MCF2L: variants seen among roughly 807,000 people sequenced by gnomAD.
MCF2L encodes the protein MCF.2 cell line derived transforming sequence like, also known as guanine nucleotide exchange factor DBS.
MCF2L carries 97 observed loss-of-function variants against 153.4 expected under a neutral mutation model. That is an observed-to-expected ratio of 0.63 (90% CI 0.54 to 0.75). MCF2L has a LOEUF of 0.75. Among genes scored for constraint, MCF2L ranks in the 30% least tolerant of loss-of-function variants. The probability of loss-of-function intolerance (pLI) is 0.00; values close to 1 mark genes in which losing one functional copy is unlikely to be tolerated. For missense variants in MCF2L, 1,347 were observed against 1,495.2 expected, an observed-to-expected ratio of 0.90 and a Z score of 1.64; for synonymous variants, 659 against 632.2, an observed-to-expected ratio of 1.04 and a Z score of -0.64.
In MCF2L at chr13:113,074,996, A is replaced by G; in HGVS notation, c.1117-2A>G. ...GCTGGTCCTCTGGGTGGCCGTCCAC[A>G]GGTGGCCGTGGAGAGGGCCCGGGCC... On this transcript the variant is annotated splice_acceptor_variant, in intron 10 of 29. Transcript: ENST00000535094. LOFTEE classifies it high-confidence loss of function. The surrounding 1 kb of genome is among the most constrained non-coding windows in gnomAD (Gnocchi z 4.2). 6.3e-7 allele frequency: 1 copy of G among 1,595,946 alleles called. No homozygotes were observed. The highest frequency in any genetic ancestry group is 8.6e-7 in the Non-Finnish European group (1 of 1,166,942).
At position 113,045,398 on chromosome 13, in the gene MCF2L, C is replaced by T; in HGVS notation, c.369+37C>T. 1 of 1,530,010 alleles carries T rather than the reference C, an allele frequency of 6.5e-7. No individual in the cohort carries two copies. Among genetic ancestry groups the T allele is most frequent in the Middle Eastern group, 1.7e-4 (1 of 5,872 alleles). 94.8% of individuals were successfully genotyped at this position (1,530,010 alleles called of 1,614,324 possible). On this transcript the variant is annotated intron_variant, in intron 4 of 29. Coordinates refer to ENST00000535094, the MANE Select transcript of MCF2L (RefSeq NM_001112732.3). The surrounding 1 kb of genome is among the most constrained non-coding windows in gnomAD (Gnocchi z 4.2). ...CCGGGGCTCTGCCCTGCGCCCGGCC[C>T]CTCCCTGGGCTGCATGACCGCATGG... is the stretch of plus-strand genomic sequence containing the variant.
chr13:113,089,104 G>A (rs2034927729), intron 25 of MCF2L, among the ~76,000 whole-genome samples: 1 of 151,836 alleles, frequency 6.6e-6, no homozygotes, highest in African/African-American at 2.4e-5. Context: ...AATCATTCAT[G>A]GAACAGGATA....
At position 113,064,178 on chromosome 13, in the gene MCF2L, C is replaced by T. The variant is rs1594900014; in HGVS notation, c.490-126C>T. 2.7e-6 allele frequency: 2 copies of T among 750,568 alleles called. No homozygotes were observed. Among genetic ancestry groups the T allele is most frequent in the East Asian group, 4.9e-5 (2 of 40,750 alleles). 46.5% of individuals were successfully genotyped at this position (750,568 alleles called of 1,614,324 possible). On this transcript the variant is annotated intron_variant, in intron 5 of 29. Transcript: ENST00000535094. The surrounding 1 kb of genome is among the most constrained non-coding windows in gnomAD (Gnocchi z 6.0). ...CAGTGTCCAGGTGCCCCCACCCACA[C>T]AGCCGCCCGCAGCATCCAGGCAGAC...
rs746193778 is a variant in MCF2L at position 112,902,202 on chromosome 13, C to T, written c.-1C>T. 1.6e-5 allele frequency: 25 copies of T among 1,611,946 alleles called. No individual in the cohort carries two copies. In the South Asian group the frequency reaches 2.3e-4, roughly 15 times the overall value. The stretch of plus-strand genomic sequence containing the variant: ...TTTTAAAATCTTTTTTCTGCAGCCT[C>T]ATGTTTGACTGTTGGAGATTTATCC... On this transcript the variant is annotated 5_prime_UTR_variant, in exon 2 of 30. Coordinates refer to the MCF2L transcript ENST00000375608.
intron 2 of MCF2L, among the ~76,000 whole-genome samples, chr13:112,924,034 A>G (rs2081379516): frequency 6.6e-6 from 1 of 152,164 alleles, no homozygotes; most frequent in Non-Finnish European, 1.5e-5. Context: ...TCCTATCAGG[A>G]AGCATACGAG....
intron 5 of MCF2L, among the ~76,000 whole-genome samples, chr13:113,061,222 C>T (rs998894137): frequency 5.9e-5 from 9 of 152,124 alleles, no homozygotes; most frequent in Non-Finnish European, 1.2e-4. Flanking sequence ...CCTGCCCCAT[C>T]GCCACCACAC....
At chr13:113,087,501 C>G in intron 22 of MCF2L, 45 bp downstream of exon 22, 1 of 1,479,572 alleles carries the variant, frequency 6.8e-7, no homozygotes. Flanking sequence ...GGCCACAGAC[C>G]CCGACGGGGG....
intron 2 of MCF2L, among the ~76,000 whole-genome samples, chr13:112,946,938 G>A (rs2081643737): frequency 6.6e-6 from 1 of 152,206 alleles, no homozygotes; most frequent in South Asian, 2.1e-4. Context: ...AGGACCCAGG[G>A]AGCAGTGGCA....
chr13:112,997,212 T>C (rs2083177161), intron 1 of MCF2L, among the ~76,000 whole-genome samples: 2 of 152,134 alleles, frequency 1.3e-5, no homozygotes, highest in East Asian at 3.9e-4. Flanking sequence ...CCAAGACCAC[T>C]GTGGGTCTGG....
At chr13:113,059,432 C>T (rs892042477) in intron 4 of MCF2L, among the ~76,000 whole-genome samples, 3 of 152,232 alleles carry the variant, frequency 2.0e-5, no homozygotes, top group Non-Finnish European at 2.9e-5. Context: ...ATATTCCTTT[C>T]GGGCTTTAGG....
intron 1 of MCF2L, among the ~76,000 whole-genome samples, chr13:112,984,808 C>T (rs1240302783): frequency 6.6e-6 from 1 of 152,116 alleles, no homozygotes; most frequent in African/African-American, 2.4e-5. Flanking sequence ...GGGGAGAGGG[C>T]GTCAGGATGC....
At chr13:112,937,924 A>G (rs74400946) in intron 2 of MCF2L, among the ~76,000 whole-genome samples, 726 of 7,776 alleles carry the variant, frequency 0.093, no homozygotes, top group Middle Eastern at 0.14. Context: ...TGGTTGGTTC[A>G]TTCAGGTGAT....
chr13:112,899,879 T>C (rs778442076), intron 1 of MCF2L, among the ~76,000 whole-genome samples: 18 of 152,198 alleles, frequency 1.2e-4, no homozygotes, highest in Non-Finnish European at 2.5e-4. Context: ...TTTTCCACCG[T>C]ATCTTGAGAT....
chr13:113,018,378 C>G (rs992734137), intron 2 of MCF2L, among the ~76,000 whole-genome samples: 2 of 152,222 alleles, frequency 1.3e-5, no homozygotes, highest in Non-Finnish European at 2.9e-5. Context: ...CCTACTGTCC[C>G]CTCTAGTTTT....
chr13:112,986,023 G>GC (rs1271062586), intron 1 of MCF2L, among the ~76,000 whole-genome samples: 2 of 152,254 alleles, frequency 1.3e-5, no homozygotes. Context: ...TGGTCAGTGA[G>GC]CCCCCAGGGC....
rs1372230382 is a variant in MCF2L, at chr13:112,993,259, T to A, written c.80-21504T>A. The stretch of plus-strand genomic sequence containing the variant: ...ACGTGATGTCTTCGTGTGAACATGG[T>A]GGCGGGGGAGCGCCGGGCACACAAC... On this transcript the variant is annotated intron_variant, in intron 1 of 29. Transcript: ENST00000535094. This position sits in a 1 kb window ranked among gnomAD's most constrained non-coding sequence, Gnocchi z 4.6. 2.0e-5 allele frequency among the ~76,000 whole-genome samples: 3 copies of A among 152,092 alleles called. No individual in the cohort carries two copies. The highest frequency in any genetic ancestry group is 7.2e-5 in the African/African-American group (3 of 41,416).
chr13:112,902,204 T>C (rs772590574), exon 2 of MCF2L: 1 of 1,612,310 alleles, frequency 6.2e-7, no homozygotes, highest in Non-Finnish European at 8.5e-7. Flanking sequence ...TGCAGCCTCA[T>C]GTTTGACTGT....
intron 4 of MCF2L, among the ~76,000 whole-genome samples, chr13:113,050,789 GGCGGTGGGA>G (rs2087249984): frequency 1.4e-5 from 2 of 145,396 alleles, no homozygotes; most frequent in African/African-American, 5.1e-5. Flanking sequence ...GGCGGCAGGG[GGCGGTGGGA>G]GCGGTGCTAA....
intron 2 of MCF2L, among the ~76,000 whole-genome samples, chr13:112,937,741 C>G (rs1181605779): frequency 6.7e-6 from 1 of 148,168 alleles, no homozygotes; most frequent in Admixed American, 6.8e-5. Context: ...TAGGTGAGCA[C>G]TGATGTGCTG....
Sources: gnomAD v4.1 joint callset for allele counts (sites outside exome capture counted in the v4.1 genomes callset) on GRCh38, gnomAD v4.1.1 for gene constraint, Gnocchi (gnomAD v3.1) non-coding constraint, MANE v1.5 for transcripts, NCBI Gene and HGNC (gene_info 2026-07-23, HGNC 2026-07-21) for gene names.